The following SORCS3 variants were observed in gnomAD, a reference collection of about 807,000 sequenced individuals.
SORCS3 encodes the protein VPS10 domain-containing receptor SorCS3.
Under a neutral mutation model 146.3 loss-of-function variants are expected in SORCS3, and 57 were observed. That is an observed-to-expected ratio of 0.39 (90% CI 0.31 to 0.49). The LOEUF is 0.49. Among genes scored for constraint, SORCS3 ranks in the 20% least tolerant of loss-of-function variants. The pLI, the probability that SORCS3 is intolerant of heterozygous loss-of-function variation, is 0.92. For missense variants in SORCS3, 1,341 were observed against 1,575.5 expected (o/e 0.85, Z 2.52); for synonymous variants, 653 against 618.5 (o/e 1.06, Z -0.83).
chr10:104,680,104 T>G (rs750325340), intron 1 of SORCS3, among the ~76,000 whole-genome samples: 11 of 152,198 alleles, frequency 7.2e-5, no homozygotes, highest in Non-Finnish European at 1.6e-4. Flanking sequence ...ACACATTTAT[T>G]CATTAATTCA....
chr10:105,021,134 A>G (rs1231564351), intron 4 of SORCS3, among the ~76,000 whole-genome samples: 1 of 152,158 alleles, frequency 6.6e-6, no homozygotes, highest in Non-Finnish European at 1.5e-5. Context: ...TTGTGCTACT[A>G]TGACAGAATA....
At chr10:105,045,523 A>G (rs938510393) in intron 5 of SORCS3, among the ~76,000 whole-genome samples, 1 of 152,000 alleles carries the variant, frequency 6.6e-6, no homozygotes, top group Non-Finnish European at 1.5e-5. Context: ...TATTTTACAT[A>G]GACATTTTTT....
chr10:104,740,789 A>G (rs1225097956), intron 1 of SORCS3, among the ~76,000 whole-genome samples: 2 of 152,144 alleles, frequency 1.3e-5, no homozygotes, highest in African/African-American at 4.8e-5. Flanking sequence ...ATAATGTAGA[A>G]GGGGTGAGAT....
At chr10:105,121,560 T>C (rs1268786858) in intron 7 of SORCS3, among the ~76,000 whole-genome samples, 1 of 152,196 alleles carries the variant, frequency 6.6e-6, no homozygotes, top group Non-Finnish European at 1.5e-5. Context: ...CTTTTCTAGA[T>C]GACTGTGAAA....
At chr10:104,749,945 T>C (rs1054868884) in intron 1 of SORCS3, among the ~76,000 whole-genome samples, 5 of 152,234 alleles carry the variant, frequency 3.3e-5, no homozygotes, top group African/African-American at 1.2e-4. Flanking sequence ...TGAGCATTAT[T>C]CTTTGAAAAC....
intron 1 of SORCS3, among the ~76,000 whole-genome samples, chr10:104,681,311 G>C (rs937033721): frequency 9.9e-5 from 11 of 111,182 alleles, no homozygotes; most frequent in African/African-American, 2.8e-4. Context: ...GTCCTTTCCC[G>C]GGCCGACTCC....
At chr10:104,823,056 T>G (rs1180465154) in intron 1 of SORCS3, among the ~76,000 whole-genome samples, 1 of 152,000 alleles carries the variant, frequency 6.6e-6, no homozygotes, top group Non-Finnish European at 1.5e-5. Context: ...TGACGAGACA[T>G]GGGGGTGAGG....
At chr10:104,847,913 G>A (rs926865394) in intron 2 of SORCS3, among the ~76,000 whole-genome samples, 4 of 151,832 alleles carry the variant, frequency 2.6e-5, no homozygotes, top group African/African-American at 7.3e-5. Flanking sequence ...TGGAGAGTAC[G>A]GATTCCCAGG....
At chr10:104,979,190 C>T (rs1358212800) in intron 4 of SORCS3, among the ~76,000 whole-genome samples, 1 of 152,172 alleles carries the variant, frequency 6.6e-6, no homozygotes, top group Non-Finnish European at 1.5e-5. Flanking sequence ...CTGCATTCCT[C>T]ACTAGATTAC....
At chr10:104,904,454 T>C (rs1477247232) in intron 2 of SORCS3, among the ~76,000 whole-genome samples, 1 of 152,140 alleles carries the variant, frequency 6.6e-6, no homozygotes, top group Non-Finnish European at 1.5e-5. Flanking sequence ...AAACAAATAA[T>C]GATACATACA....
At chr10:104,983,643 A>G (rs1016875943) in intron 4 of SORCS3, among the ~76,000 whole-genome samples, 1 of 151,968 alleles carries the variant, frequency 6.6e-6, no homozygotes, top group Non-Finnish European at 1.5e-5. Flanking sequence ...GTCTTTATGT[A>G]CGTGCTGTTT....
At chr10:104,719,126 T>C (rs1468260252) in intron 1 of SORCS3, among the ~76,000 whole-genome samples, 1 of 152,188 alleles carries the variant, frequency 6.6e-6, no homozygotes. Context: ...GTATTTGAAA[T>C]CTTGTATTTG....
chr10:104,737,914 A>T (rs1297730217), intron 1 of SORCS3, among the ~76,000 whole-genome samples: 25 of 150,332 alleles, frequency 1.7e-4, no homozygotes, highest in Non-Finnish European at 4.4e-5. Context: ...TTTAGGTCTA[A>T]CGTTTAAGTC....
rs574971246 is a variant in SORCS3 at position 104,724,372 on chromosome 10, T to A, written c.627+82418T>A. Among the ~76,000 whole-genome samples, 278 of 152,344 alleles carry A rather than the reference T, an allele frequency of 1.8e-3. 1 individual carries two copies. In the Middle Eastern group the frequency reaches 0.034, roughly 19 times the overall value. On this transcript the variant is annotated intron_variant, in intron 1 of 26. Coordinates refer to ENST00000369701, the MANE Select transcript of SORCS3 (RefSeq NM_014978.3). ...TGTTAGTCTGATGGGCTTTCCTTTGTGGGTAACCCGACCTTTCTCTCTGGC... is the reference window on the plus strand; with the variant it reads ...TGTTAGTCTGATGGGCTTTCCTTTGAGGGTAACCCGACCTTTCTCTCTGGC...
At chr10:104,684,412 C>T (rs980047031) in intron 1 of SORCS3, among the ~76,000 whole-genome samples, 3 of 152,198 alleles carry the variant, frequency 2.0e-5, no homozygotes, top group Non-Finnish European at 2.9e-5. Context: ...ATAGGGGAAG[C>T]CCATTCATTC....
intron 8 of SORCS3, 58 bp downstream of exon 8, chr10:105,139,544 G>A: frequency 1.5e-6 from 2 of 1,377,554 alleles, no homozygotes; most frequent in Non-Finnish European, 1.0e-6. Flanking sequence ...GGGTTGGAGA[G>A]GCTGCTTTGT....
Position 105,142,901 on chromosome 10 carries a change from A to G in SORCS3, c.1302+3415A>G, listed in dbSNP as rs59877374. Among the ~76,000 whole-genome samples, 518 of 152,284 alleles carry G rather than the reference A, an allele frequency of 3.4e-3. 2 individuals carry two copies. The highest frequency in any genetic ancestry group is 0.012 in the African/African-American group (496 of 41,562). On this transcript the variant is annotated intron_variant, in intron 8 of 26. Coordinates refer to ENST00000369701, the MANE Select transcript of SORCS3 (RefSeq NM_014978.3). ...GGAAATATGTCTTAGAAAATTCATT[A>G]TAATGATAATAACAATGATATTAAC...
chr10:104,682,476 G>A (rs1305176978), intron 1 of SORCS3, among the ~76,000 whole-genome samples: 2 of 152,184 alleles, frequency 1.3e-5, no homozygotes, highest in Non-Finnish European at 2.9e-5. Flanking sequence ...ATCTGAATAA[G>A]GCCTGAACCT....
At chr10:105,163,144 A>C (rs1299848501) in intron 11 of SORCS3, among the ~76,000 whole-genome samples, 1 of 152,058 alleles carries the variant, frequency 6.6e-6, no homozygotes, top group African/African-American at 2.4e-5. Flanking sequence ...TATTTTTGAA[A>C]TCTTGAGTCT....
Sources: allele counts gnomAD v4.1 joint callset (sites outside exome capture counted in the v4.1 genomes callset), GRCh38; gene constraint gnomAD v4.1.1; transcripts MANE v1.5; gene names NCBI Gene and HGNC (gene_info 2026-07-23, HGNC 2026-07-21).